SPATS2L: variants seen among roughly 807,000 people sequenced by gnomAD.
The protein encoded by SPATS2L is spermatogenesis associated serine rich 2 like.
In SPATS2L, 30 loss-of-function variants were observed where a neutral mutation model predicts 59.6. The observed-to-expected ratio is 0.50, with a 90% CI of 0.38 to 0.68. The LOEUF is 0.68. Ranked by LOEUF, SPATS2L falls within the 30% of genes least tolerant of loss-of-function variation. The pLI is 0.00. For missense variants in SPATS2L, 615 were observed against 700.0 expected (o/e 0.88, Z 1.37); for synonymous variants, 252 against 263.5 (o/e 0.96, Z 0.42).
intron 11 of SPATS2L, among the ~76,000 whole-genome samples, chr2:200,470,641 GAC>G (rs1197320119): frequency 6.6e-6 from 1 of 152,152 alleles, no homozygotes; most frequent in East Asian, 1.9e-4. Context: ...CGGCTTTAAG[GAC>G]GGCCACAAGG....
At chr2:200,423,699 A>G (rs1480714708) in intron 6 of SPATS2L, among the ~76,000 whole-genome samples, 1 of 152,250 alleles carries the variant, frequency 6.6e-6, no homozygotes, top group Non-Finnish European at 1.5e-5. Context: ...GCATAAGCCT[A>G]AAAGAAATCG....
chr2:200,401,693 G>A (rs1335685656), intron 3 of SPATS2L, among the ~76,000 whole-genome samples: 3 of 151,736 alleles, frequency 2.0e-5, no homozygotes, highest in African/African-American at 7.3e-5. Context: ...GGATATTAGA[G>A]TCCCTGGGAA....
chr2:200,306,191 A>G, upstream of SPATS2L: 1 of 1,001,474 alleles, frequency 1.0e-6, no homozygotes, highest in South Asian at 4.7e-5. Flanking sequence ...CTTTGCTTAC[A>G]TTTTGAGCTT....
At chr2:200,389,604 C>A (rs1201142289) in intron 3 of SPATS2L, 1 of 258,034 alleles carries the variant, frequency 3.9e-6, no homozygotes, top group Non-Finnish European at 7.5e-6. Flanking sequence ...TGGTAAACAG[C>A]AGAGCTGGGA....
In SPATS2L at chr2:200,479,938, TGTTC is replaced by T. The variant is rs977610125; in HGVS notation, c.*1912_*1915del. The T allele has an allele frequency of 7.6e-6, 3 of 394,100 alleles. No individual in the cohort carries two copies. The highest frequency in any genetic ancestry group is 6.2e-5 in the African/African-American group (3 of 48,668). The allele number at this position is 394,100 out of a possible 1,614,324, so 24.4% of individuals were successfully genotyped here. A position where few individuals can be genotyped will look rare whatever the true frequency, so the allele number is the denominator to read the frequency against. ...CACATTCCAGGAAGGAAGGAAGAGT[TGTTC>T]GTTCAAATAAGAAAGATAAATGTTC... is the stretch of plus-strand genomic sequence containing the variant. On this transcript the variant is annotated 3_prime_UTR_variant, in exon 13 of 13. Transcript: ENST00000409140.
In SPATS2L at chr2:200,478,007, C is replaced by T; in HGVS notation, c.1653C>T (p.Val551=). The change falls in exon 13 of 13, where the codon GTC becomes GTT. Residue 551 remains valine, a synonymous_variant. Transcript: ENST00000409140. Reference sequence around the variant, plus strand: ...CCACAGATGCAGCAGTTCTCTCAGTCCCGGCTGTGACGTTGGTGGCCTGAG... The same window carrying T: ...CCACAGATGCAGCAGTTCTCTCAGTTCCGGCTGTGACGTTGGTGGCCTGAG... The part of the protein sequence containing the change: ...EVSTDAAVLS[V]PAVTLVA 1.3e-6 allele frequency: 2 copies of T among 1,569,114 alleles called. No individual in the cohort carries two copies. The highest frequency in any genetic ancestry group is 1.9e-5 in the Admixed American group (1 of 53,546).
chr2:200,440,936 G>A (rs2084655532), intron 8 of SPATS2L, among the ~76,000 whole-genome samples, 152 bp downstream of exon 8: 1 of 152,178 alleles, frequency 6.6e-6, no homozygotes, highest in African/African-American at 2.4e-5. Flanking sequence ...GCAGTAGCAT[G>A]TATCTTGGGA....
rs113163857 is a variant in SPATS2L at position 200,336,308 on chromosome 2, G to T, written c.-23+6828G>T. 5.1e-3 allele frequency among the ~76,000 whole-genome samples: 782 copies of T among 152,126 alleles called. 8 individuals carry two copies. The highest frequency in any genetic ancestry group is 0.018 in the African/African-American group (738 of 41,506). ...CTTCGTCCTGTTCGTATTGCCTTGAGATATTATGATTAGAAAACATTGTAT... is the reference window on the plus strand; with the variant it reads ...CTTCGTCCTGTTCGTATTGCCTTGATATATTATGATTAGAAAACATTGTAT... On this transcript the variant is annotated intron_variant, in intron 2 of 12. Coordinates refer to ENST00000409140, the MANE Select transcript of SPATS2L (RefSeq NM_001100423.2).
chr2:200,374,491 A>G (rs1435516473), intron 2 of SPATS2L, among the ~76,000 whole-genome samples: 1 of 151,902 alleles, frequency 6.6e-6, no homozygotes, highest in Admixed American at 6.6e-5. Context: ...TTACATTCTT[A>G]TTTCTCTTGG....
chr2:200,369,510 A>G (rs916450976), intron 2 of SPATS2L, among the ~76,000 whole-genome samples: 7 of 152,148 alleles, frequency 4.6e-5, no homozygotes, highest in African/African-American at 1.4e-4. Flanking sequence ...ATAACCAAGA[A>G]CAAATATCAA....
intron 2 of SPATS2L, chr2:200,351,167 G>A: frequency 2.2e-6 from 1 of 463,308 alleles, no homozygotes. Context: ...TGCGAACTCT[G>A]AGGGAGAAGT....
chr2:200,351,547 C>G (rs2080729673), intron 2 of SPATS2L, among the ~76,000 whole-genome samples: 1 of 152,086 alleles, frequency 6.6e-6, no homozygotes, highest in Non-Finnish European at 1.5e-5. Flanking sequence ...TTGGTTAATA[C>G]TAAATTATTC....
intron 2 of SPATS2L, among the ~76,000 whole-genome samples, chr2:200,330,843 T>A (rs1000837353): frequency 2.6e-5 from 4 of 152,236 alleles, no homozygotes; most frequent in African/African-American, 9.6e-5. Flanking sequence ...AGGAATGTTT[T>A]ACCCTGCAAA....
chr2:200,398,488 A>G (rs186854492), intron 3 of SPATS2L, among the ~76,000 whole-genome samples: 11 of 152,316 alleles, frequency 7.2e-5, no homozygotes, highest in African/African-American at 1.2e-4. Flanking sequence ...AGTCTTCTCA[A>G]CTTCTAGGGT....
At chr2:200,436,062 A>C (rs1021287802) in intron 6 of SPATS2L, among the ~76,000 whole-genome samples, 1 of 152,184 alleles carries the variant, frequency 6.6e-6, no homozygotes, top group Non-Finnish European at 1.5e-5. Context: ...TTCAACAGCC[A>C]CATGTGGCCA....
At chr2:200,465,447 T>C (rs2106208659) in intron 9 of SPATS2L, among the ~76,000 whole-genome samples, 1 of 152,376 alleles carries the variant, frequency 6.6e-6, no homozygotes, top group South Asian at 2.1e-4. Context: ...TTTTGTGACC[T>C]TTGGTCCCAC....
intron 1 of SPATS2L, among the ~76,000 whole-genome samples, chr2:200,327,445 A>G (rs1171780950): frequency 2.6e-5 from 4 of 152,028 alleles, no homozygotes; most frequent in African/African-American, 9.7e-5. Flanking sequence ...AGTTGTAAAT[A>G]TCTTGTGCTG....
chr2:200,425,813 A>G (rs13417802), intron 6 of SPATS2L, among the ~76,000 whole-genome samples: 52,365 of 151,948 alleles, frequency 0.34, 9,562 homozygotes, highest in African/African-American at 0.47. Context: ...AAACCAGAAT[A>G]CAACTGAGTT....
chr2:200,374,390 A>G (rs1484631064), intron 2 of SPATS2L, among the ~76,000 whole-genome samples: 7 of 152,178 alleles, frequency 4.6e-5, no homozygotes, highest in African/African-American at 1.7e-4. Flanking sequence ...TCTTTGATTA[A>G]GCTCACCTAA....
Sources: gnomAD v4.1 joint callset for allele counts (sites outside exome capture counted in the v4.1 genomes callset) on GRCh38, gnomAD v4.1.1 for gene constraint, MANE v1.5 for transcripts, NCBI Gene and HGNC (gene_info 2026-07-23, HGNC 2026-07-21) for gene names.